Variants in DLGAP2 observed in about 807,000 individuals in gnomAD.
The protein encoded by DLGAP2 is DLG associated protein 2.
Under a neutral mutation model 100.3 loss-of-function variants are expected in DLGAP2, and 26 were observed. The ratio of observed to expected loss-of-function variants is 0.26; its 90% CI spans 0.19 to 0.36. The LOEUF is 0.36. DLGAP2 is among the 10% of genes least tolerant of loss of function. The probability of loss-of-function intolerance (pLI) is 1.00; values close to 1 mark genes in which losing one functional copy is unlikely to be tolerated. For synonymous variants in DLGAP2, 886 were observed against 630.1 expected (o/e 1.41, Z -6.08); for missense variants, 1,858 against 1,453.2 (o/e 1.28, Z -4.53).
rs80001994 is a variant in DLGAP2, at chr8:993,655, G to C, written c.73+85689G>C. Among the ~76,000 whole-genome samples the C allele has an allele frequency of 4.9e-3, 746 of 152,220 alleles. 6 individuals are homozygous for C. The highest frequency in any genetic ancestry group is 0.017 in the African/African-American group (709 of 41,526). On this transcript the variant is annotated intron_variant, in intron 2 of 14. Transcript: ENST00000637795. The stretch of plus-strand genomic sequence containing the variant: ...TGTATCAAGCGTCTCCTTCATGGGC[G>C]ATTCTGCCATTTAGCCTGAGAGGAC...
At chr8:867,823 G>C (rs1797526605) in intron 1 of DLGAP2, among the ~76,000 whole-genome samples, 1 of 152,212 alleles carries the variant, frequency 6.6e-6, no homozygotes, top group Admixed American at 6.5e-5. Flanking sequence ...AAAATTATGA[G>C]ATGTGAGCTG....
intron 3 of DLGAP2, among the ~76,000 whole-genome samples, chr8:1,265,929 A>G (rs1383791423): frequency 6.6e-6 from 1 of 152,262 alleles, no homozygotes. Flanking sequence ...TTTTATAGAT[A>G]AAATCATTGT....
intron 1 of DLGAP2, among the ~76,000 whole-genome samples, chr8:818,936 C>G (rs6559189): frequency 6.6e-6 from 1 of 152,226 alleles, no homozygotes; most frequent in Non-Finnish European, 1.5e-5. Context: ...AACCATGGAA[C>G]AACTAAAAAT....
chr8:1,440,537 C>G (rs1377568572), intron 3 of DLGAP2, among the ~76,000 whole-genome samples: 1 of 152,164 alleles, frequency 6.6e-6, no homozygotes, highest in Non-Finnish European at 1.5e-5. Flanking sequence ...GTTAGCCGTG[C>G]AAATGTTACA....
chr8:1,644,176 C>T (rs1797984505), intron 8 of DLGAP2, among the ~76,000 whole-genome samples: 1 of 152,318 alleles, frequency 6.6e-6, no homozygotes, highest in East Asian at 1.9e-4. Flanking sequence ...CTGGGTGCCT[C>T]CTCAGCCTCC....
chr8:1,340,975 T>G (rs1801403899), intron 3 of DLGAP2, among the ~76,000 whole-genome samples: 3 of 152,172 alleles, frequency 2.0e-5, no homozygotes. Context: ...AGCAAACTAG[T>G]GCAGGAACAG....
chr8:1,675,979 G>A (rs1469428751), intron 10 of DLGAP2, among the ~76,000 whole-genome samples: 3 of 152,168 alleles, frequency 2.0e-5, no homozygotes, highest in East Asian at 1.9e-4. Flanking sequence ...CATGATTTCT[G>A]TTCTGATCTG....
At chr8:1,699,844 C>T (rs1342715671) in intron 14 of DLGAP2, among the ~76,000 whole-genome samples, 1 of 152,200 alleles carries the variant, frequency 6.6e-6, no homozygotes, top group Non-Finnish European at 1.5e-5. Context: ...ATTGGGGAAC[C>T]CCCACAGGAA....
intron 2 of DLGAP2, among the ~76,000 whole-genome samples, chr8:966,226 A>T (rs1197575079): frequency 6.6e-6 from 1 of 152,222 alleles, no homozygotes; most frequent in African/African-American, 2.4e-5. Context: ...CGATTGTTCC[A>T]GGCAGCGTTT....
chr8:1,414,251 A>G (rs1796815938), intron 3 of DLGAP2, among the ~76,000 whole-genome samples: 1 of 151,894 alleles, frequency 6.6e-6, no homozygotes, highest in Admixed American at 6.6e-5. Flanking sequence ...TGTTCTGTGG[A>G]CTCTTGTGGG....
At chr8:1,700,019 C>G (rs761747185) in intron 14 of DLGAP2, among the ~76,000 whole-genome samples, 63 of 152,256 alleles carry the variant, frequency 4.1e-4, no homozygotes, top group Admixed American at 1.2e-3. Context: ...ATGAACTGAT[C>G]CCCCCCATTG....
At chr8:1,338,501 C>A (rs1386154180) in intron 3 of DLGAP2, among the ~76,000 whole-genome samples, 1 of 152,298 alleles carries the variant, frequency 6.6e-6, no homozygotes, top group South Asian at 2.1e-4. Context: ...GGAGTAACTG[C>A]TGATTGATAC....
intron 1 of DLGAP2, among the ~76,000 whole-genome samples, chr8:856,185 C>CTTCTTCTTCTTT (rs777874707): frequency 2.3e-5 from 3 of 130,556 alleles, no homozygotes; most frequent in Admixed American, 7.8e-5. Flanking sequence ...TCTTCTTCTT[C>CTTCTTCTTCTTT]TTTTTTTTTT....
chr8:975,292 T>C (rs1256193003), intron 2 of DLGAP2, among the ~76,000 whole-genome samples: 3 of 152,178 alleles, frequency 2.0e-5, no homozygotes, highest in African/African-American at 7.2e-5. Flanking sequence ...CATGGGTTCA[T>C]TGGTGAATTC....
chr8:1,089,853 C>T (rs1005551731), intron 2 of DLGAP2, among the ~76,000 whole-genome samples: 1 of 152,194 alleles, frequency 6.6e-6, no homozygotes, highest in Non-Finnish European at 1.5e-5. Context: ...GGGAGACACT[C>T]GGGGGTTGGA....
chr8:1,542,361 C>T (rs1283603889), intron 4 of DLGAP2, among the ~76,000 whole-genome samples: 4 of 152,224 alleles, frequency 2.6e-5, no homozygotes, highest in African/African-American at 4.8e-5. Flanking sequence ...AAAACATCTT[C>T]ACCCCAAAAA....
intron 3 of DLGAP2, chr8:1,381,219 G>A (rs1263040434): frequency 1.3e-5 from 2 of 152,130 alleles, no homozygotes; most frequent in Non-Finnish European, 2.9e-5. Context: ...AGACCGTGAA[G>A]GACATTTAAC....
intron 1 of DLGAP2, among the ~76,000 whole-genome samples, chr8:742,627 G>C (rs1820515441): frequency 6.6e-6 from 1 of 152,040 alleles, no homozygotes; most frequent in Non-Finnish European, 1.5e-5. Flanking sequence ...TCCCACCTCA[G>C]CCTGTCTAGT....
chr8:806,043 C>A (rs569762733), intron 1 of DLGAP2, among the ~76,000 whole-genome samples: 123 of 152,312 alleles, frequency 8.1e-4, no homozygotes, highest in Non-Finnish European at 1.6e-3. Context: ...ATTCCTTTTA[C>A]AGAGAGTTTT....
Sources: gnomAD v4.1 joint callset for allele counts (sites outside exome capture counted in the v4.1 genomes callset) on GRCh38, gnomAD v4.1.1 for gene constraint, MANE v1.5 for transcripts, NCBI Gene and HGNC (gene_info 2026-07-23, HGNC 2026-07-21) for gene names.